PILRA: variants seen among roughly 807,000 people sequenced by gnomAD.
PILRA encodes paired immunoglobin like type 2 receptor alpha, also known as paired immunoglobulin-like type 2 receptor alpha.
PILRA carries 37 observed loss-of-function variants against 33.1 expected under a neutral mutation model. The ratio of observed to expected loss-of-function variants is 1.12; its 90% CI spans 0.86 to 1.47. The LOEUF is 1.47. Ranked by LOEUF, PILRA falls within the 40% of genes most tolerant of loss-of-function variation. The pLI, the probability that PILRA is intolerant of heterozygous loss-of-function variation, is 0.00. For synonymous variants in PILRA, 146 were observed against 149.9 expected (o/e 0.97, Z 0.19); for missense variants, 312 against 376.2 (o/e 0.83, Z 1.41).
chr7:100,383,142 G>A (rs1791156309), intron 2 of PILRA, among the ~76,000 whole-genome samples: 3 of 152,164 alleles, frequency 2.0e-5, no homozygotes, highest in Non-Finnish European at 4.4e-5. Context: ...CTGGTGTAGG[G>A]TAACTGGGGA....
intron 2 of PILRA, among the ~76,000 whole-genome samples, chr7:100,379,883 C>T (rs1047848402): frequency 5.9e-5 from 9 of 152,030 alleles, no homozygotes; most frequent in African/African-American, 2.2e-4. Context: ...GGTTTAGGAG[C>T]CCAGATGAGC....
At chr7:100,387,331 A>G (rs1461005684) in intron 2 of PILRA, among the ~76,000 whole-genome samples, 1 of 152,148 alleles carries the variant, frequency 6.6e-6, no homozygotes, top group African/African-American at 2.4e-5. Flanking sequence ...ATCCTGCCTC[A>G]GCCTCCCAAG....
intron 2 of PILRA, among the ~76,000 whole-genome samples, chr7:100,379,944 CA>C (rs997364764): frequency 1.3e-5 from 2 of 152,282 alleles, no homozygotes; most frequent in African/African-American, 4.8e-5. Flanking sequence ...ATTTATACCA[CA>C]AAACTCTGTA....
At chr7:100,385,785 G>A (rs1005107286) in intron 2 of PILRA, among the ~76,000 whole-genome samples, 6 of 150,106 alleles carry the variant, frequency 4.0e-5, no homozygotes, top group African/African-American at 2.5e-5. Flanking sequence ...ATGTGCCACC[G>A]CACCTGGCTA....
At chr7:100,388,749 CAAAAAAAAAAAAAAA>C (rs913179599) in intron 2 of PILRA, among the ~76,000 whole-genome samples, 194 of 12,858 alleles carry the variant, frequency 0.015, 6 homozygotes, top group African/African-American at 0.036. Context: ...GCCTCCGTCT[CAAAAAAAAAAAAAAA>C]AAAAAAAAAA....
In PILRA at chr7:100,374,345, G is replaced by A. The variant is rs745941741; in HGVS notation, c.366G>A (p.Val122=). The change falls in exon 2 of 7, where the codon GTG becomes GTA. Residue 122 remains valine (V), a synonymous_variant. Transcript: ENST00000198536. ...ACCTGCAGAAGCAGGACCAGTCTGTGTATTTCTGCCGAGTTGAGCTGGACA... is the reference window on the plus strand; with the variant it reads ...ACCTGCAGAAGCAGGACCAGTCTGTATATTTCTGCCGAGTTGAGCTGGACA... ...ISNLQKQDQS[V]YFCRVELDTR... 1.2e-6 allele frequency: 2 copies of A among 1,614,112 alleles called. No homozygotes were observed. Among genetic ancestry groups the A allele is most frequent in the East Asian group, 4.5e-5 (2 of 44,874 alleles).
In PILRA at chr7:100,374,377, G is replaced by A. The variant is rs556203759; in HGVS notation, c.398G>A (p.Ser133Asn). The change falls in exon 2 of 7, where the codon AGC (serine) becomes AAC (asparagine). Residue 133 changes from serine to asparagine, a missense_variant. Physicochemically the swap from Ser to Asn is conservative, Grantham distance 46 (BLOSUM62 1). Coordinates refer to ENST00000198536, the MANE Select transcript of PILRA (RefSeq NM_013439.3). The part of the protein sequence containing the change: ...YFCRVELDTR[S>N]SGRQQWQSIE... Reference sequence around the variant, plus strand: ...TGCCGAGTTGAGCTGGACACACGGAGCTCAGGGAGGCAGCAGTGGCAGTCC... The same window carrying A: ...TGCCGAGTTGAGCTGGACACACGGAACTCAGGGAGGCAGCAGTGGCAGTCC... 3 of 1,614,090 alleles carry A rather than the reference G, an allele frequency of 1.9e-6. No individual in the cohort carries two copies. Among genetic ancestry groups the A allele is most frequent in the Admixed American group, 1.7e-5 (1 of 60,014 alleles).
At position 100,373,701 on chromosome 7, in the gene PILRA, G is replaced by A. The variant is rs62640866; in HGVS notation, c.45G>A (p.Pro15=). The change falls in exon 1 of 7, where the codon CCG becomes CCA. Residue 15 remains proline (P), a synonymous_variant. Transcript: ENST00000198536. Reference sequence around the variant, plus strand: ...TGCCCCTACTGCCCTTGCTGCTGCCGCCAGCATTTCTGCAGCCTAGTGAGT... The same window carrying A: ...TGCCCCTACTGCCCTTGCTGCTGCCACCAGCATTTCTGCAGCCTAGTGAGT... The part of the protein sequence containing the change: ...LLLPLLPLLL[P]PAFLQPSGST... 31 of 1,613,272 alleles carry A rather than the reference G, an allele frequency of 1.9e-5. No individual in the cohort carries two copies. In the African/African-American group the frequency reaches 2.9e-4, roughly 15 times the overall value.
At chr7:100,378,770 T>C (rs1320660859) in intron 2 of PILRA, among the ~76,000 whole-genome samples, 1 of 152,162 alleles carries the variant, frequency 6.6e-6, no homozygotes, top group Admixed American at 6.6e-5. Flanking sequence ...GATTACTTTA[T>C]GAATCCTTAA....
upstream of PILRA, among the ~76,000 whole-genome samples, chr7:100,372,565 C>T (rs6948685): frequency 0.16 from 24,326 of 152,160 alleles, 2,113 homozygotes; most frequent in Non-Finnish European, 0.19. Flanking sequence ...GGGCAAAGGC[C>T]GGCAGATCCC....
At chr7:100,378,525 G>A (rs1056719344) in intron 2 of PILRA, among the ~76,000 whole-genome samples, 6 of 152,090 alleles carry the variant, frequency 3.9e-5, no homozygotes, top group Admixed American at 1.3e-4. Context: ...CTGAAATCAG[G>A]CTAATACACA....
rs750324461 is a variant in PILRA, at chr7:100,399,580, G to A, written c.758-1G>A. On this transcript the variant is annotated splice_acceptor_variant, in intron 5 of 6. Transcript: ENST00000198536. LOFTEE classifies it high-confidence loss of function. ...TGGCACACCTTGCTTTTTATTCTTA[G>A]GACAAAATACAGATCCCAAGCTAAA... 6.2e-7 allele frequency: 1 copy of A among 1,613,912 alleles called. No homozygotes were observed. Among genetic ancestry groups the A allele is most frequent in the African/African-American group, 1.3e-5 (1 of 74,844 alleles).
Position 100,400,013 on chromosome 7 carries a change from A to G in PILRA, c.*106A>G, listed in dbSNP as rs147901427. The stretch of plus-strand genomic sequence containing the variant: ...TGAGGCAGAATCAAGTGAGCCCAGG[A>G]GTTCAGGGCCAGCTTTGATAATGGA... On this transcript the variant is annotated 3_prime_UTR_variant, in exon 7 of 7. Coordinates refer to ENST00000198536, the MANE Select transcript of PILRA (RefSeq NM_013439.3). 1.7e-6 allele frequency: 2 copies of G among 1,176,286 alleles called. No homozygotes were observed. Among genetic ancestry groups the G allele is most frequent in the Non-Finnish European group, 2.3e-6 (2 of 870,092 alleles). 72.9% of individuals were successfully genotyped at this position (1,176,286 alleles called of 1,614,324 possible). A position where few individuals can be genotyped will look rare whatever the true frequency, so the allele number is the denominator to read the frequency against.
Position 100,387,173 on chromosome 7 carries a change from C to G in PILRA, c.455-2715C>G, listed in dbSNP as rs114070372. On this transcript the variant is annotated intron_variant, in intron 2 of 6. Transcript: ENST00000198536. ...ATATAAATAACTCCCACAAACTTAG[C>G]GTTCTAATAATAGAACACTAGGCAT... Among the ~76,000 whole-genome samples the G allele has an allele frequency of 8.1e-3, 1,239 of 152,288 alleles. 20 individuals are homozygous for G. The highest frequency in any genetic ancestry group is 0.025 in the African/African-American group (1,026 of 41,556).
chr7:100,393,895 C>T (rs965800285), intron 3 of PILRA, among the ~76,000 whole-genome samples: 4 of 152,282 alleles, frequency 2.6e-5, no homozygotes, highest in Admixed American at 6.5e-5. Context: ...ACAACAACTT[C>T]TTCACGTGTG....
At chr7:100,390,268 G>A (rs1791361141) in intron 3 of PILRA, among the ~76,000 whole-genome samples, 162 bp downstream of exon 3, 1 of 152,138 alleles carries the variant, frequency 6.6e-6, no homozygotes, top group Non-Finnish European at 1.5e-5. Context: ...GCATTTGTGA[G>A]GCTCCTGCAG....
At chr7:100,381,936 C>T (rs561810669) in intron 2 of PILRA, among the ~76,000 whole-genome samples, 2 of 152,306 alleles carry the variant, frequency 1.3e-5, no homozygotes, top group East Asian at 1.9e-4. Flanking sequence ...GATTTCTCGC[C>T]AGGCCTTAGC....
chr7:100,389,461 C>T (rs1032729897), intron 2 of PILRA, among the ~76,000 whole-genome samples: 1 of 152,022 alleles, frequency 6.6e-6, no homozygotes, highest in African/African-American at 2.4e-5. Context: ...ATTTAGTTAT[C>T]CCTATTTGTG....
chr7:100,377,668 G>A (rs570507891), intron 2 of PILRA, among the ~76,000 whole-genome samples: 16 of 152,192 alleles, frequency 1.1e-4, no homozygotes, highest in African/African-American at 1.4e-4. Context: ...GCTTGAACCC[G>A]GGAGTCAGAG....
Sources: gnomAD v4.1 joint callset for allele counts (sites outside exome capture counted in the v4.1 genomes callset) on GRCh38, gnomAD v4.1.1 for gene constraint, MANE v1.5 for transcripts, NCBI Gene and HGNC (gene_info 2026-07-23, HGNC 2026-07-21) for gene names.